RBM10: variants seen among roughly 807,000 people sequenced by gnomAD.
The protein encoded by RBM10 is RNA binding motif protein 10.
In RBM10, 1 loss-of-function variant was observed where a neutral mutation model predicts 84.9. The observed-to-expected ratio is 0.01, with a 90% confidence interval of 0.00 to 0.06. The LOEUF (loss-of-function observed/expected upper bound fraction) is 0.06. Among genes scored for constraint, RBM10 ranks in the 10% least tolerant of loss-of-function variants. RBM10 has a pLI of 1.00. For missense variants in RBM10, 438 were observed against 839.0 expected, an observed-to-expected ratio of 0.52 and a Z score of 5.90; for synonymous variants, 326 against 344.5, an observed-to-expected ratio of 0.95 and a Z score of 0.60.
chrX:47,161,568 G>T, intron 2 of RBM10, among the ~76,000 whole-genome samples: 1 of 83,705 alleles, frequency 1.2e-5, no homozygotes. Flanking sequence ...AGAGGGTCTG[G>T]CTTTGTCGCC....
chrX:47,181,680 G>T (rs782696247), intron 14 of RBM10, 34 bp downstream of exon 14: 1 of 1,207,788 alleles, frequency 8.3e-7, no homozygotes, highest in Non-Finnish European at 1.1e-6. Context: ...ATCCCGGGGA[G>T]GCAGGCAGGC....
At chrX:47,156,976 C>T (rs1933202046) in intron 2 of RBM10, 4 of 268,340 alleles carry the variant, frequency 1.5e-5, no homozygotes, top group Admixed American at 1.3e-4. Context: ...CTCACACCCT[C>T]GTAGGCTGGG....
At chrX:47,170,669 G>A (rs1449138959) in intron 3 of RBM10, among the ~76,000 whole-genome samples, 1 of 112,242 alleles carries the variant, frequency 8.9e-6, no homozygotes, top group Non-Finnish European at 1.9e-5. Context: ...CCCTGAGCTG[G>A]CCAGAGAGGA....
At chrX:47,150,335 A>AT (rs1425126921) in intron 2 of RBM10, among the ~76,000 whole-genome samples, 3 of 109,049 alleles carry the variant, frequency 2.8e-5, no homozygotes, top group Non-Finnish European at 3.8e-5. Flanking sequence ...CACCTGGCTA[A>AT]TTTTTTGTAT....
At chrX:47,150,106 G>T (rs782692287) in intron 2 of RBM10, among the ~76,000 whole-genome samples, 2 of 112,042 alleles carry the variant, frequency 1.8e-5, no homozygotes, top group East Asian at 5.6e-4. Context: ...ACAGGCGTGA[G>T]CCACCGTGCC....
intron 6 of RBM10, among the ~76,000 whole-genome samples, chrX:47,175,957 C>T (rs1240782175): frequency 8.9e-6 from 1 of 112,841 alleles, no homozygotes; most frequent in African/African-American, 3.2e-5. Flanking sequence ...CTGGGGCCGT[C>T]TCCTCGGGGT....
At chrX:47,150,774 G>A (rs1932759584) in intron 2 of RBM10, among the ~76,000 whole-genome samples, 1 of 111,655 alleles carries the variant, frequency 9.0e-6, no homozygotes, top group Non-Finnish European at 1.9e-5. Context: ...TAGCTCCTTT[G>A]CACTTATTTT....
At chrX:47,171,338 C>T in intron 4 of RBM10, 80 bp downstream of exon 4, 1 of 1,160,769 alleles carries the variant, frequency 8.6e-7, no homozygotes, top group South Asian at 2.0e-5. Flanking sequence ...ACCCCTCCCT[C>T]ACCTGCAACC....
intron 6 of RBM10, 137 bp from the exon 7 acceptor site, chrX:47,176,363 A>G (rs1935151257): frequency 3.7e-6 from 4 of 1,087,662 alleles, no homozygotes; most frequent in Non-Finnish European, 4.9e-6. Context: ...TCTTCCCTCC[A>G]TCCGCTCTCC....
chrX:47,162,077 G>A (rs1280632124), intron 2 of RBM10, among the ~76,000 whole-genome samples: 3 of 112,081 alleles, frequency 2.7e-5, no homozygotes, highest in African/African-American at 9.7e-5. Flanking sequence ...TCCTGATCTC[G>A]TGATCCGCCT....
intron 7 of RBM10, among the ~76,000 whole-genome samples, chrX:47,177,410 C>T (rs782343030): frequency 8.9e-6 from 1 of 111,941 alleles, no homozygotes; most frequent in East Asian, 2.8e-4. Context: ...TTCAGGTCTG[C>T]CCTGGGGCCA....
At chrX:47,159,886 C>T (rs1933528592) in intron 2 of RBM10, among the ~76,000 whole-genome samples, 2 of 112,082 alleles carry the variant, frequency 1.8e-5, no homozygotes, top group South Asian at 7.3e-4. Flanking sequence ...GCCTGTAATC[C>T]CAGCACTTTG....
intron 17 of RBM10, among the ~76,000 whole-genome samples, chrX:47,183,626 G>A (rs1474328853): frequency 9.0e-6 from 1 of 111,210 alleles, no homozygotes; most frequent in Non-Finnish European, 1.9e-5. Flanking sequence ...GCTGATGGAT[G>A]CTCTAAGAAC....
At chrX:47,175,361 G>A (rs1430510525) in intron 6 of RBM10, among the ~76,000 whole-genome samples, 5 of 110,221 alleles carry the variant, frequency 4.5e-5, no homozygotes, top group East Asian at 2.9e-4. Flanking sequence ...CCAGCTGAGC[G>A]TTCAGAGAAA....
At chrX:47,181,454 G>A (rs2147187118) in intron 13 of RBM10, 53 bp downstream of exon 13, 3 of 1,209,260 alleles carry the variant, frequency 2.5e-6, no homozygotes, top group Non-Finnish European at 3.4e-6. Flanking sequence ...CAGGCATAAA[G>A]TCCCCGGCCC....
rs577418488 is a variant in RBM10 at position 47,179,661 on chromosome X, G to A, written c.901+166G>A. On this transcript the variant is annotated intron_variant, in intron 9 of 23. Transcript: ENST00000377604. ...CAGGGGGAGTGGCAACATCCCACCT[G>A]ACTTTGGGGGTGTGTCGGGAAGGTT... The A allele has an allele frequency of 3.9e-6, 3 of 762,953 alleles. No homozygotes were observed. In the Admixed American group the frequency reaches 8.2e-5, roughly 21 times the overall value. The allele number at this position is 762,953 out of a possible 1,213,427, so 62.9% of individuals were successfully genotyped here.
chrX:47,163,056 CAAAA>C (rs367958692), intron 2 of RBM10, among the ~76,000 whole-genome samples: 1 of 91,076 alleles, frequency 1.1e-5, no homozygotes. Context: ...TATGCTTCTC[CAAAA>C]AAAAAAAAAA....
intron 2 of RBM10, among the ~76,000 whole-genome samples, chrX:47,160,102 A>C (rs1933554116): frequency 9.0e-6 from 1 of 111,625 alleles, no homozygotes; most frequent in African/African-American, 3.3e-5. Context: ...GTGCCATTGC[A>C]CTCCAGCCTG....
At chrX:47,162,386 G>T (rs1933785096) in intron 2 of RBM10, among the ~76,000 whole-genome samples, 1 of 112,093 alleles carries the variant, frequency 8.9e-6, no homozygotes. Context: ...TTGTAAATCT[G>T]TTAGATTAAA....
Sources: allele counts gnomAD v4.1 joint callset (sites outside exome capture counted in the v4.1 genomes callset), GRCh38; gene constraint gnomAD v4.1.1; transcripts MANE v1.5; gene names NCBI Gene and HGNC (gene_info 2026-07-23, HGNC 2026-07-21).